Variants in NT5C1B observed in about 807,000 individuals in gnomAD.
NT5C1B encodes the protein 5'-nucleotidase, cytosolic IB.
A neutral mutation model predicts 57.8 loss-of-function variants in NT5C1B; 44 were observed. That is an observed-to-expected ratio of 0.76 (90% CI 0.60 to 0.98). The LOEUF (loss-of-function observed/expected upper bound fraction) is 0.98. Among genes scored for constraint, NT5C1B ranks in the 50% least tolerant of loss-of-function variants. The probability of loss-of-function intolerance (pLI) is 0.00; values close to 1 mark genes in which losing one functional copy is unlikely to be tolerated. For missense variants in NT5C1B, 742 were observed against 719.5 expected (o/e 1.03, Z -0.36); for synonymous variants, 284 against 282.6 (o/e 1.00, Z -0.05).
intron 6 of NT5C1B, 112 bp downstream of exon 6, chr2:18,582,756 G>T: frequency 7.0e-7 from 1 of 1,431,140 alleles, no homozygotes; most frequent in Non-Finnish European, 9.3e-7. Context: ...CGCAGAAGGG[G>T]GTGTCAGTAT....
At chr2:18,567,155 T>G (rs1664716229) in intron 8 of NT5C1B, among the ~76,000 whole-genome samples, 1 of 151,942 alleles carries the variant, frequency 6.6e-6, no homozygotes, top group African/African-American at 2.4e-5. Flanking sequence ...CTGCAGGCAG[T>G]GGGGTGATAG....
rs998019891 is a variant in NT5C1B, at chr2:18,584,634, G to A, written c.603C>T (p.Arg201=). ...GCTGCTGCTGCTCGGACAGAGAGTT[G>A]CGGTCCAGCTGGGTGGAGGCGGGGT... Residue 201 remains arginine, a synonymous_variant, in exon 4 of 9, where the codon CGC becomes CGT. Transcript: ENST00000304081. This position sits in a 1 kb window ranked among gnomAD's most constrained non-coding sequence, Gnocchi z 5.8. The A allele has an allele frequency of 3.7e-6, 6 of 1,613,070 alleles. No homozygotes were observed. In the African/African-American group the frequency reaches 5.3e-5, roughly 14 times the overall value.
chr2:18,584,864 G>C lies in NT5C1B; in HGVS notation c.373C>G (p.Leu125Val). The C allele has an allele frequency of 6.2e-7, 1 of 1,602,342 alleles. No homozygotes were observed. Among genetic ancestry groups the C allele is most frequent in the Non-Finnish European group, 8.5e-7 (1 of 1,176,150 alleles). The change falls in exon 4 of 9, where the codon CTG becomes GTG. Residue 125 changes from leucine to valine, a missense_variant. Leu to Val is a conservative substitution (Grantham distance 32). Transcript: ENST00000304081. The surrounding 1 kb of genome is among the most constrained non-coding windows in gnomAD (Gnocchi z 5.8). Reference sequence around the variant, plus strand: ...GGCCGCGAGTCCAGCGACCGGGGCAGCTGGGGCGACGCGGGTGGCTGGAGC... The same window carrying C: ...GGCCGCGAGTCCAGCGACCGGGGCACCTGGGGCGACGCGGGTGGCTGGAGC...
At chr2:18,585,280 C>A in intron 3 of NT5C1B, 1 of 645,430 alleles carries the variant, frequency 1.5e-6, no homozygotes, top group Non-Finnish European at 2.9e-6. Context: ...GCAGCTGACA[C>A]ATGGTTTGCA....
intron 6 of NT5C1B, among the ~76,000 whole-genome samples, chr2:18,580,387 G>T (rs1406671590): frequency 2.6e-5 from 4 of 152,222 alleles, no homozygotes; most frequent in South Asian, 2.1e-4. Flanking sequence ...GCCAAGGCGG[G>T]CAGATCATCT....
intron 8 of NT5C1B, among the ~76,000 whole-genome samples, chr2:18,571,718 G>GTATATATATA (rs59799495): frequency 3.3e-4 from 37 of 111,444 alleles, no homozygotes; most frequent in East Asian, 2.1e-3. Flanking sequence ...CTGTGTGTGT[G>GTATATATATA]TATATATATA....
chr2:18,568,087 G>GAC (rs3046807), intron 8 of NT5C1B, among the ~76,000 whole-genome samples: 20,461 of 142,502 alleles, frequency 0.14, 1,468 homozygotes, highest in Middle Eastern at 0.17. Context: ...AATGCTGTGG[G>GAC]ACACACACAC....
chr2:18,564,164 GA>G, intron 8 of NT5C1B, 45 bp from the exon 9 acceptor site: 2 of 1,503,904 alleles, frequency 1.3e-6, no homozygotes, highest in Non-Finnish European at 1.8e-6. Flanking sequence ...GTGAGCCAAA[GA>G]AAGTGAATGC....
At chr2:18,582,993 A>G in exon 6 of NT5C1B, 3 of 1,613,218 alleles carry the variant, frequency 1.9e-6, no homozygotes, top group South Asian at 2.2e-5. Flanking sequence ...GACATACTGT[A>G]GTGCCTGCAG....
chr2:18,584,384 C>T lies in NT5C1B; in HGVS notation c.724-129G>A, dbSNP rs1441108059. 1.3e-6 allele frequency: 2 copies of T among 1,532,092 alleles called. No individual in the cohort carries two copies. Among genetic ancestry groups the T allele is most frequent in the Non-Finnish European group, 1.8e-6 (2 of 1,140,870 alleles). The allele number at this position is 1,532,092 out of a possible 1,614,324, so 94.9% of individuals were successfully genotyped here. A position where few individuals can be genotyped will look rare whatever the true frequency, so the allele number is the denominator to read the frequency against. ...TGGAGAAGCGGGATGCTGGAGACAG[C>T]TGAGGCTGGGACTCCCCGAAGTTTG... On this transcript the variant is annotated intron_variant, in intron 4 of 8. Transcript: ENST00000304081. This position sits in a 1 kb window ranked among gnomAD's most constrained non-coding sequence, Gnocchi z 5.8.
intron 8 of NT5C1B, among the ~76,000 whole-genome samples, chr2:18,565,636 A>T: frequency 6.6e-6 from 1 of 152,184 alleles, no homozygotes; most frequent in East Asian, 1.9e-4. Context: ...TTTGAAGCCC[A>T]GTAATTTCAC....
Position 18,586,198 on chromosome 2 carries a change from T to A in NT5C1B, c.258+56A>T, listed in dbSNP as rs1238108357. 5 of 1,589,828 alleles carry A rather than the reference T, an allele frequency of 3.1e-6. No individual in the cohort carries two copies. The South Asian group carries it at 5.7e-5, about 18-fold the overall frequency. ...CTGGCACGTAGAAAGCATCAATAAATGTTAACCATTGTTATTATTCTATCA... is the reference window on the plus strand; with the variant it reads ...CTGGCACGTAGAAAGCATCAATAAAAGTTAACCATTGTTATTATTCTATCA... On this transcript the variant is annotated intron_variant, in intron 3 of 8. Transcript: ENST00000304081.
At chr2:18,580,171 A>G (rs1428262978) in intron 6 of NT5C1B, among the ~76,000 whole-genome samples, 2 of 152,216 alleles carry the variant, frequency 1.3e-5, no homozygotes, top group East Asian at 3.8e-4. Context: ...ACGAACACTT[A>G]TATGCTGCTT....
intron 8 of NT5C1B, among the ~76,000 whole-genome samples, chr2:18,569,387 C>T (rs146544387): frequency 0.011 from 1,605 of 152,104 alleles, 23 homozygotes; most frequent in African/African-American, 0.036. Context: ...TTTAATCCAA[C>T]CAAAGCAATG....
chr2:18,582,057 C>T (rs1025755862), intron 6 of NT5C1B, among the ~76,000 whole-genome samples: 1 of 152,142 alleles, frequency 6.6e-6, no homozygotes, highest in Non-Finnish European at 1.5e-5. Context: ...CTGTTGTTTA[C>T]TAGATGATTG....
At position 18,584,857 on chromosome 2, in the gene NT5C1B, C is replaced by T. The variant is rs61742608; in HGVS notation, c.380G>A (p.Arg127Gln). 0.061 allele frequency: 97,405 copies of T among 1,605,138 alleles called. 5,217 individuals carry two copies. Among genetic ancestry groups the T allele is most frequent in the African/African-American group, 0.26 (19,120 of 74,830 alleles). The change falls in exon 4 of 9, where the codon CGG becomes CAG. Residue 127 changes from arginine to glutamine, a missense_variant. By Grantham distance (43) the Arg-to-Gln change is conservative. Transcript: ENST00000304081. This position sits in a 1 kb window ranked among gnomAD's most constrained non-coding sequence, Gnocchi z 5.8. Reference sequence around the variant, plus strand: ...CGTGGGAGGCCGCGAGTCCAGCGACCGGGGCAGCTGGGGCGACGCGGGTGG... The same window carrying T: ...CGTGGGAGGCCGCGAGTCCAGCGACTGGGGCAGCTGGGGCGACGCGGGTGG...
At position 18,587,144 on chromosome 2, in the gene NT5C1B, C is replaced by T. The variant is rs76041976; in HGVS notation, c.120+359G>A. On this transcript the variant is annotated intron_variant, in intron 2 of 8. Coordinates refer to ENST00000304081, the Ensembl canonical transcript of NT5C1B. ...GACCCTGGAAGGGGCAACATCTCAGCGAGTGATTCGGATTGACTGCACGCC... is the reference window on the plus strand; with the variant it reads ...GACCCTGGAAGGGGCAACATCTCAGTGAGTGATTCGGATTGACTGCACGCC... The T allele has an allele frequency of 6.9e-4, 1,110 of 1,613,796 alleles. 11 individuals are homozygous for T. The African/African-American group carries it at 0.013, about 19-fold the overall frequency.
chr2:18,566,150 T>C (rs1664622417), intron 8 of NT5C1B, among the ~76,000 whole-genome samples: 2 of 152,210 alleles, frequency 1.3e-5, no homozygotes, highest in Non-Finnish European at 2.9e-5. Context: ...TTTTTTTCTT[T>C]TTTAATCTGC....
Position 18,584,744 on chromosome 2 carries a change from G to A in NT5C1B, c.493C>T (p.Arg165Cys), listed in dbSNP as rs748571500. 4 of 1,613,352 alleles carry A rather than the reference G, an allele frequency of 2.5e-6. No homozygotes were observed. In the South Asian group the frequency reaches 3.3e-5, roughly 13 times the overall value. ...AGCGGCTGCGAGTCCCGGGTCTGGC[G>A]GATTTCCCGCACGATGCCTTGGGCC... The change falls in exon 4 of 9, where the codon CGC becomes TGC. Residue 165 changes from arginine (R) to cysteine (C), a missense_variant. Physicochemically the swap from Arg to Cys is radical, Grantham distance 180. Transcript: ENST00000304081. This position sits in a 1 kb window ranked among gnomAD's most constrained non-coding sequence, Gnocchi z 5.8.
Sources: gnomAD v4.1 joint callset for allele counts (sites outside exome capture counted in the v4.1 genomes callset) on GRCh38, gnomAD v4.1.1 for gene constraint, Gnocchi (gnomAD v3.1) non-coding constraint, MANE v1.5 for transcripts, NCBI Gene and HGNC (gene_info 2026-07-23, HGNC 2026-07-21) for gene names.